CSNK2A1: variants seen among roughly 807,000 people sequenced by gnomAD.
CSNK2A1 encodes casein kinase II subunit alpha.
In CSNK2A1, 10 loss-of-function variants were observed where a neutral mutation model predicts 62.9. The observed-to-expected ratio is 0.16, with a 90% CI of 0.10 to 0.27. The LOEUF is 0.27. Ranked by LOEUF, CSNK2A1 falls within the 10% of genes least tolerant of loss-of-function variation. The probability of loss-of-function intolerance (pLI) is 1.00; values close to 1 mark genes in which losing one functional copy is unlikely to be tolerated. For missense variants in CSNK2A1, 160 were observed against 492.0 expected, an observed-to-expected ratio of 0.33 and a Z score of 6.38; for synonymous variants, 124 against 167.8, an observed-to-expected ratio of 0.74 and a Z score of 2.02.
intron 2 of CSNK2A1, among the ~76,000 whole-genome samples, chr20:526,046 A>G (rs1055144694): frequency 3.9e-5 from 6 of 152,092 alleles, no homozygotes; most frequent in Non-Finnish European, 7.4e-5. Context: ...AAAGCAAACT[A>G]AAAATTAAGA....
chr20:542,831 CAA>C (rs2019482034), intron 1 of CSNK2A1, among the ~76,000 whole-genome samples: 1 of 152,214 alleles, frequency 6.6e-6, no homozygotes, highest in Non-Finnish European at 1.5e-5. Context: ...ACCTTCTTTT[CAA>C]AACTCTTTCC....
At chr20:498,720 A>C (rs2018396832) in intron 6 of CSNK2A1, 1 of 152,194 alleles carries the variant, frequency 6.6e-6, no homozygotes, top group African/African-American at 2.4e-5. Context: ...ATTCTTCTGT[A>C]AAATTGGAAC....
intron 12 of CSNK2A1, 37 bp downstream of exon 12, chr20:487,390 C>T (rs2018122660): frequency 6.2e-6 from 10 of 1,612,432 alleles, no homozygotes; most frequent in Non-Finnish European, 8.5e-6. Context: ...GGACTCTGCG[C>T]CTGCACAAAC....
chr20:519,593 G>A (rs542451634), intron 2 of CSNK2A1, among the ~76,000 whole-genome samples: 1 of 152,158 alleles, frequency 6.6e-6, no homozygotes, highest in African/African-American at 2.4e-5. Flanking sequence ...GAAAAAGGCA[G>A]ATTATATTCA....
chr20:495,098 T>A (rs115130059), intron 8 of CSNK2A1: 33 of 152,506 alleles, frequency 2.2e-4, no homozygotes, highest in African/African-American at 7.9e-4. Context: ...TCCCCAGCCC[T>A]AGGGTGGTGC....
At chr20:501,959 T>A (rs960327400) in intron 4 of CSNK2A1, 11 of 152,216 alleles carry the variant, frequency 7.2e-5, no homozygotes, top group Admixed American at 3.9e-4. Flanking sequence ...TAAATTCTTT[T>A]AACTTTGTCT....
intron 2 of CSNK2A1, among the ~76,000 whole-genome samples, chr20:523,703 A>AGT: frequency 1.3e-5 from 2 of 151,880 alleles, no homozygotes; most frequent in African/African-American, 2.4e-5. Context: ...CATCCTGGCT[A>AGT]ACACGGTGAA....
chr20:499,875 A>G lies in CSNK2A1; in HGVS notation c.273T>C (p.Gly91=), dbSNP rs778487561. ...TGTCTGCCAGTGTGATGATGTTGGG[A>G]CCTCCTCTCAAATTCTCCAAAATCT... The part of the protein sequence containing the change: ...EIKILENLRG[G]PNIITLADIV... The change falls in exon 5 of 14, where the codon GGT becomes GGC. Residue 91 remains glycine, a synonymous_variant. Transcript: ENST00000217244. The surrounding 1 kb of genome is among the most constrained non-coding windows in gnomAD (Gnocchi z 4.2). 5.0e-6 allele frequency: 8 copies of G among 1,612,414 alleles called. No individual in the cohort carries two copies. In the Admixed American group the frequency reaches 1.3e-4, roughly 27 times the overall value.
rs769766411 is a variant in CSNK2A1 at position 474,100 on chromosome 20, G to A, written c.*9861C>T. On this transcript the variant is annotated 3_prime_UTR_variant, in exon 14 of 14. Transcript: ENST00000217244. ...GAGAGGTTCTCACTCTGTCAGCCAG[G>A]TCTCACTGAGAGCAATGTGATCATA... The A allele has an allele frequency of 2.0e-5, 3 of 152,142 alleles. No individual in the cohort carries two copies. The highest frequency in any genetic ancestry group is 2.9e-5 in the Non-Finnish European group (2 of 68,058). The allele number at this position is 152,142 out of a possible 1,614,324, so 9.4% of individuals were successfully genotyped here. A position where few individuals can be genotyped will look rare whatever the true frequency, so the allele number is the denominator to read the frequency against.
chr20:497,864 A>G, intron 6 of CSNK2A1, 84 bp from the exon 7 acceptor site: 1 of 1,247,256 alleles, frequency 8.0e-7, no homozygotes, highest in Non-Finnish European at 1.2e-6. Context: ...TCAAACCAAG[A>G]CTTGGCTCAT....
intron 2 of CSNK2A1, among the ~76,000 whole-genome samples, chr20:525,211 T>C (rs951176815): frequency 6.6e-6 from 1 of 152,058 alleles, no homozygotes; most frequent in Admixed American, 6.6e-5. Context: ...AAAGCAGGAC[T>C]TAGAAATTTA....
rs542670832 is a variant in CSNK2A1, at chr20:473,862, C to A, written c.*10099G>T. 6.6e-6 allele frequency: 1 copy of A among 152,182 alleles called. No individual in the cohort carries two copies. The highest frequency in any genetic ancestry group is 2.4e-5 in the African/African-American group (1 of 41,422). The allele number at this position is 152,182 out of a possible 1,614,324, so 9.4% of individuals were successfully genotyped here. On this transcript the variant is annotated 3_prime_UTR_variant, in exon 14 of 14. Transcript: ENST00000217244. ...CCAGAAGACCTTTTCCAGAAGACCT[C>A]TCCCTGTGTATCCACTTCTAAACCA... is the stretch of plus-strand genomic sequence containing the variant.
intron 2 of CSNK2A1, among the ~76,000 whole-genome samples, chr20:523,364 C>T (rs975979269): frequency 5.9e-5 from 9 of 152,152 alleles, no homozygotes; most frequent in African/African-American, 1.9e-4. Context: ...TTCACAGCAA[C>T]TGTATTCATA....
intron 6 of CSNK2A1, 143 bp from the exon 7 acceptor site, chr20:497,923 C>T (rs1408108234): frequency 6.2e-6 from 4 of 645,826 alleles, no homozygotes; most frequent in South Asian, 5.5e-5. Context: ...ATTTCTCCAA[C>T]ATTACATTAA....
intron 1 of CSNK2A1, among the ~76,000 whole-genome samples, chr20:538,159 A>T (rs1172049906): frequency 6.6e-6 from 1 of 152,144 alleles, no homozygotes. Context: ...CATGTTGGCC[A>T]GGCTGGTCTT....
intron 2 of CSNK2A1, among the ~76,000 whole-genome samples, chr20:514,378 CAA>C (rs1457458983): frequency 6.6e-6 from 1 of 151,446 alleles, no homozygotes; most frequent in Non-Finnish European, 1.5e-5. Flanking sequence ...AAAACAAAAA[CAA>C]GAGGGGATGT....
chr20:524,766 C>T (rs2019041224), intron 2 of CSNK2A1, among the ~76,000 whole-genome samples: 1 of 146,310 alleles, frequency 6.8e-6, no homozygotes, highest in Admixed American at 6.8e-5. Flanking sequence ...ATATTATATA[C>T]ACGATGTATA....
intron 8 of CSNK2A1, chr20:494,577 C>A (rs2018306471): frequency 1.3e-5 from 2 of 152,186 alleles, no homozygotes; most frequent in African/African-American, 4.8e-5. Context: ...GGTACCATCA[C>A]TATTTTTTAT....
intron 10 of CSNK2A1, 152 bp downstream of exon 10, chr20:489,628 G>A: frequency 2.0e-6 from 1 of 501,150 alleles, no homozygotes; most frequent in African/African-American, 1.9e-5. Context: ...GGGAATGTCT[G>A]ATTTCAAAAG....
Sources: gnomAD v4.1 joint callset for allele counts (sites outside exome capture counted in the v4.1 genomes callset) on GRCh38, gnomAD v4.1.1 for gene constraint, Gnocchi (gnomAD v3.1) non-coding constraint, MANE v1.5 for transcripts, NCBI Gene and HGNC (gene_info 2026-07-23, HGNC 2026-07-21) for gene names.